Variants in CFAP299 observed in about 807,000 individuals in gnomAD.
CFAP299 encodes cilia and flagella associated protein 299.
In CFAP299, 21 loss-of-function variants were observed where a neutral mutation model predicts 27.0. The observed-to-expected ratio is 0.78, with a 90% CI of 0.55 to 1.12. CFAP299 has a LOEUF of 1.12. CFAP299 is among the 50% of genes most tolerant of loss of function. The probability of loss-of-function intolerance (pLI) is 0.00; values close to 1 mark genes in which losing one functional copy is unlikely to be tolerated. For missense variants in CFAP299, 310 were observed against 276.6 expected (o/e 1.12, Z -0.86); for synonymous variants, 104 against 98.1 (o/e 1.06, Z -0.36).
At chr4:80,687,425 A>C (rs546459576) in intron 3 of CFAP299, among the ~76,000 whole-genome samples, 2 of 152,262 alleles carry the variant, frequency 1.3e-5, no homozygotes, top group South Asian at 4.1e-4. Flanking sequence ...TGGAAGATAA[A>C]ATTACTAGCT....
At chr4:80,962,185 T>A (rs530741968) in intron 5 of CFAP299, among the ~76,000 whole-genome samples, 1 of 152,070 alleles carries the variant, frequency 6.6e-6, no homozygotes, top group Non-Finnish European at 1.5e-5. Flanking sequence ...ATTTACAAGA[T>A]AATTTTTAAA....
intron 3 of CFAP299, among the ~76,000 whole-genome samples, chr4:80,587,900 T>G (rs143740747): frequency 1.5e-4 from 23 of 151,594 alleles, no homozygotes; most frequent in Non-Finnish European, 2.6e-4. Context: ...ATAAATACCA[T>G]GTGTTATGTT....
At chr4:80,776,587 G>A (rs1025101934) in intron 3 of CFAP299, among the ~76,000 whole-genome samples, 1 of 151,894 alleles carries the variant, frequency 6.6e-6, no homozygotes, top group African/African-American at 2.4e-5. Context: ...GGCCTGTCGG[G>A]GGATGAGGGC....
At chr4:80,552,083 A>G (rs1734548834) in intron 2 of CFAP299, among the ~76,000 whole-genome samples, 1 of 152,172 alleles carries the variant, frequency 6.6e-6, no homozygotes, top group Admixed American at 6.6e-5. Context: ...CTATTAATTT[A>G]TTTAAGATAA....
At chr4:80,840,128 T>G (rs1422561129) in intron 3 of CFAP299, among the ~76,000 whole-genome samples, 1 of 152,146 alleles carries the variant, frequency 6.6e-6, no homozygotes, top group East Asian at 1.9e-4. Context: ...AAGTAATCTT[T>G]TTATGAAAAA....
At chr4:80,502,434 G>A (rs1183354320) in intron 2 of CFAP299, among the ~76,000 whole-genome samples, 3 of 151,970 alleles carry the variant, frequency 2.0e-5, no homozygotes, top group African/African-American at 7.2e-5. Context: ...AGTTCAAGTT[G>A]CAGATTTCCT....
chr4:80,908,935 A>T (rs28557356), intron 4 of CFAP299, among the ~76,000 whole-genome samples: 1 of 151,814 alleles, frequency 6.6e-6, no homozygotes, highest in Middle Eastern at 3.2e-3. Context: ...CACACATTCT[A>T]CCTTAGTTCT....
At chr4:80,644,994 C>T (rs1739925412) in intron 3 of CFAP299, among the ~76,000 whole-genome samples, 1 of 152,076 alleles carries the variant, frequency 6.6e-6, no homozygotes, top group East Asian at 1.9e-4. Flanking sequence ...TTCTATGATG[C>T]ACCAGCCCCC....
At chr4:80,387,375 G>C in intron 2 of CFAP299, 1 of 1,272,418 alleles carries the variant, frequency 7.9e-7, no homozygotes, top group South Asian at 1.2e-5. Context: ...TGGGTCATGT[G>C]AGACTTGAGC....
At chr4:80,869,960 A>G in intron 3 of CFAP299, 33 bp from the exon 4 acceptor site, 1 of 1,566,886 alleles carries the variant, frequency 6.4e-7, no homozygotes, top group Non-Finnish European at 8.7e-7. Context: ...GCTCTTTTAT[A>G]TTTTTGTCTT....
chr4:80,535,686 T>G (rs1248224957), intron 2 of CFAP299, among the ~76,000 whole-genome samples: 1 of 152,110 alleles, frequency 6.6e-6, no homozygotes, highest in Non-Finnish European at 1.5e-5. Context: ...TTTGATAAAT[T>G]TACTAGCTTG....
chr4:80,428,473 G>T (rs1324739085), intron 2 of CFAP299, among the ~76,000 whole-genome samples: 1 of 152,088 alleles, frequency 6.6e-6, no homozygotes, highest in Non-Finnish European at 1.5e-5. Flanking sequence ...ATGTTTCCTC[G>T]TGAGAAAAAT....
intron 3 of CFAP299, among the ~76,000 whole-genome samples, chr4:80,627,199 A>G (rs12510415): frequency 0.63 from 95,133 of 151,768 alleles, 33,978 homozygotes; most frequent in Non-Finnish European, 0.79. Flanking sequence ...TATATATGCA[A>G]ATCGGTAAAT....
chr4:80,331,549 G>A (rs1223435943), upstream of CFAP299, among the ~76,000 whole-genome samples: 3 of 152,232 alleles, frequency 2.0e-5, no homozygotes, highest in East Asian at 5.8e-4. Context: ...AAGCCTTCAA[G>A]AGAAGTAATT....
chr4:80,633,879 T>A (rs1442550464), intron 3 of CFAP299, among the ~76,000 whole-genome samples: 1 of 152,164 alleles, frequency 6.6e-6, no homozygotes, highest in East Asian at 1.9e-4. Context: ...GGTTGATATT[T>A]TCCCTCTTTA....
chr4:80,321,689 A>G, the CFAP299 span, among the ~76,000 whole-genome samples: 2 of 152,194 alleles, frequency 1.3e-5, no homozygotes, highest in African/African-American at 4.8e-5. Context: ...TGCGTTTTCA[A>G]CATATCTTAG....
chr4:80,890,606 T>C (rs908017234), intron 4 of CFAP299, among the ~76,000 whole-genome samples: 4 of 149,312 alleles, frequency 2.7e-5, no homozygotes, highest in African/African-American at 9.9e-5. Context: ...AAATGGTATT[T>C]CTAGTTCTAG....
At chr4:80,779,151 C>A (rs1435497997) in intron 3 of CFAP299, among the ~76,000 whole-genome samples, 1 of 152,050 alleles carries the variant, frequency 6.6e-6, no homozygotes, top group South Asian at 2.1e-4. Flanking sequence ...CCTTGTATCA[C>A]GTAGCAAACT....
At chr4:80,564,783 C>CA (rs1167653665) in intron 2 of CFAP299, among the ~76,000 whole-genome samples, 4 of 148,754 alleles carry the variant, frequency 2.7e-5, no homozygotes, top group East Asian at 2.0e-4. Context: ...AAGACTCCAC[C>CA]AAAAAAAAAG....
Sources: allele counts gnomAD v4.1 joint callset (sites outside exome capture counted in the v4.1 genomes callset), GRCh38; gene constraint gnomAD v4.1.1; transcripts MANE v1.5; gene names NCBI Gene and HGNC (gene_info 2026-07-23, HGNC 2026-07-21).